Variants in MAPK10 observed in about 807,000 individuals in gnomAD.
The protein encoded by MAPK10 is JNK3 alpha protein kinase.
MAPK10 carries 25 observed loss-of-function variants against 59.3 expected under a neutral mutation model. That is an observed-to-expected ratio of 0.42 (90% CI 0.31 to 0.59). The LOEUF is 0.59. Ranked by LOEUF, MAPK10 falls within the 20% of genes least tolerant of loss-of-function variation. The pLI is 0.15. For synonymous variants in MAPK10, 190 were observed against 200.5 expected (o/e 0.95, Z 0.44); for missense variants, 351 against 568.9 (o/e 0.62, Z 3.90).
At chr4:86,492,141 T>C (rs1754501370) in intron 1 of MAPK10, among the ~76,000 whole-genome samples, 1 of 152,118 alleles carries the variant, frequency 6.6e-6, no homozygotes, top group Non-Finnish European at 1.5e-5. Context: ...GTATGTGAGT[T>C]TTTTCTAAGG....
chr4:86,365,724 T>G (rs1737762992), intron 1 of MAPK10, among the ~76,000 whole-genome samples: 1 of 152,194 alleles, frequency 6.6e-6, no homozygotes, highest in Non-Finnish European at 1.5e-5. Context: ...TATCACATAT[T>G]TGAACTTTGT....
chr4:86,487,661 G>A (rs1481038244), intron 1 of MAPK10, among the ~76,000 whole-genome samples: 2 of 150,944 alleles, frequency 1.3e-5, no homozygotes, highest in South Asian at 2.1e-4. Context: ...AACCTGGGAG[G>A]CAGAGCTTGC....
upstream of MAPK10, among the ~76,000 whole-genome samples, chr4:86,457,622 A>G (rs1203265153): frequency 6.6e-6 from 1 of 152,214 alleles, no homozygotes; most frequent in Non-Finnish European, 1.5e-5. Flanking sequence ...GACCTCTACA[A>G]AGAAAACTAC....
At chr4:86,552,282 G>A (rs947290876) in intron 1 of MAPK10, among the ~76,000 whole-genome samples, 4 of 151,738 alleles carry the variant, frequency 2.6e-5, no homozygotes, top group African/African-American at 7.3e-5. Flanking sequence ...TTAGCCAGGC[G>A]TGGAGGTGCA....
chr4:86,516,035 A>C (rs1378957844), intron 1 of MAPK10, among the ~76,000 whole-genome samples: 1 of 151,876 alleles, frequency 6.6e-6, no homozygotes, highest in Non-Finnish European at 1.5e-5. Flanking sequence ...TAAGTTTTTG[A>C]TCCATCTTAA....
At chr4:86,095,485 T>C (rs752410737) in intron 9 of MAPK10, 1 of 151,866 alleles carries the variant, frequency 6.6e-6, no homozygotes, top group Non-Finnish European at 1.5e-5. Context: ...GTGAAAGACA[T>C]GAGAACCTCT....
chr4:86,316,973 C>T (rs1040370059), intron 2 of MAPK10, among the ~76,000 whole-genome samples: 3 of 152,022 alleles, frequency 2.0e-5, no homozygotes, highest in Non-Finnish European at 4.4e-5. Flanking sequence ...TAACCATGTG[C>T]GAGCCTTACT....
intron 8 of MAPK10, chr4:86,100,752 T>G (rs545959041): frequency 4.7e-6 from 1 of 213,536 alleles, no homozygotes; most frequent in South Asian, 1.2e-4. Context: ...GCAATTTTTC[T>G]CAATATCTAG....
intron 4 of MAPK10, chr4:86,159,061 CTT>C (rs564117056): frequency 3.0e-6 from 1 of 337,760 alleles, no homozygotes; most frequent in Admixed American, 4.7e-5. Context: ...TGTGTAATAA[CTT>C]TTTTTCTCTG....
chr4:86,183,295 CT>C (rs1300027940), intron 3 of MAPK10, among the ~76,000 whole-genome samples: 19 of 148,032 alleles, frequency 1.3e-4, no homozygotes, highest in Non-Finnish European at 2.4e-4. Flanking sequence ...CCCCCTCCCC[CT>C]ACCCCACAAC....
At chr4:86,066,896 C>G (rs938010184) in intron 10 of MAPK10, among the ~76,000 whole-genome samples, 2 of 151,974 alleles carry the variant, frequency 1.3e-5, no homozygotes, top group Admixed American at 1.3e-4. Flanking sequence ...TGTTTCAATG[C>G]TTTATCTTTC....
chr4:86,330,045 G>A lies in MAPK10; in HGVS notation c.-7+24485C>T, dbSNP rs1355731219. On this transcript the variant is annotated intron_variant, in intron 2 of 13. Transcript: ENST00000641462. ...GCAAAGAGAATACACAGGAATGTGC[G>A]GCTGTATATGAGTGTGTGTACACAT... is the stretch of plus-strand genomic sequence containing the variant. 5.9e-5 allele frequency among the ~76,000 whole-genome samples: 9 copies of A among 152,246 alleles called. No homozygotes were observed. In the South Asian group the frequency reaches 8.3e-4, roughly 14 times the overall value.
chr4:86,204,475 AG>A (rs1431209698), intron 2 of MAPK10, among the ~76,000 whole-genome samples: 2 of 151,954 alleles, frequency 1.3e-5, no homozygotes, highest in Non-Finnish European at 2.9e-5. Context: ...AATGAGAGAA[AG>A]GGACACCAAT....
chr4:86,264,888 C>CTTTTTTTTT (rs397879051), intron 2 of MAPK10, among the ~76,000 whole-genome samples: 17 of 95,278 alleles, frequency 1.8e-4, no homozygotes, highest in Admixed American at 3.9e-4. Flanking sequence ...TGGCCCTGGA[C>CTTTTTTTTT]TTTTTTTTTT....
chr4:86,032,515 C>G (rs1434456085), intron 11 of MAPK10: 1 of 152,130 alleles, frequency 6.6e-6, no homozygotes, highest in Non-Finnish European at 1.5e-5. Flanking sequence ...AAGAGTCACT[C>G]AATAAGAGTG....
intron 4 of MAPK10, among the ~76,000 whole-genome samples, chr4:86,142,270 G>A (rs1424654610): frequency 1.3e-5 from 2 of 152,124 alleles, no homozygotes; most frequent in Non-Finnish European, 2.9e-5. Context: ...TTTATGCATC[G>A]GTAGGGTTTG....
rs575652218 is a variant in MAPK10 at position 86,111,494 on chromosome 4, T to C, written c.237-4142A>G. ...ATCTATTGAAATAATCATGTGTTTT[T>C]TGTCTTTAGTTCTGTTTGATGTGAT... On this transcript the variant is annotated intron_variant, in intron 4 of 13. Coordinates refer to ENST00000641462, the MANE Select transcript of MAPK10 (RefSeq NM_138982.4). Among the ~76,000 whole-genome samples, 91 of 152,330 alleles carry C rather than the reference T, an allele frequency of 6.0e-4. 1 individual carries two copies. Among genetic ancestry groups the C allele is most frequent in the Non-Finnish European group, 6.8e-4 (46 of 68,016 alleles).
At chr4:86,372,564 G>GAAAGAAAGGAAGGAAGGAAAAGAAAAGA in intron 1 of MAPK10, among the ~76,000 whole-genome samples, 12 of 78,690 alleles carry the variant, frequency 1.5e-4, no homozygotes, top group African/African-American at 4.9e-4. Flanking sequence ...AAGAAAGAAA[G>GAAAGAAAGGAAGGAAGGAAAAGAAAAGA]AAAGAAAAGA....
At chr4:86,072,309 T>A (rs2149006210) in intron 9 of MAPK10, among the ~76,000 whole-genome samples, 1 of 152,234 alleles carries the variant, frequency 6.6e-6, no homozygotes, top group Admixed American at 6.5e-5. Context: ...CGATGGGGTT[T>A]TCTAGATATA....
Sources: gnomAD v4.1 joint callset for allele counts (sites outside exome capture counted in the v4.1 genomes callset) on GRCh38, gnomAD v4.1.1 for gene constraint, MANE v1.5 for transcripts, NCBI Gene and HGNC (gene_info 2026-07-23, HGNC 2026-07-21) for gene names.